The following YWHAG variants were observed in gnomAD, a reference collection of about 807,000 sequenced individuals.
YWHAG encodes the protein tyrosine 3-monooxygenase/tryptophan 5-monooxygenase activation protein gamma.
In YWHAG, 1 loss-of-function variant was observed where a neutral mutation model predicts 23.3. The observed-to-expected ratio is 0.04, with a 90% CI of 0.02 to 0.20. The LOEUF (loss-of-function observed/expected upper bound fraction) is 0.20, where lower values mean the gene tolerates loss of function less well. Among genes scored for constraint, YWHAG ranks in the 10% least tolerant of loss-of-function variants. The pLI, the probability that YWHAG is intolerant of heterozygous loss-of-function variation, is 1.00. For missense variants in YWHAG, 151 were observed against 338.6 expected (o/e 0.45, Z 4.35); for synonymous variants, 160 against 144.0 (o/e 1.11, Z -0.80).
chr7:76,337,117 C>A (rs1482269412), intron 1 of YWHAG, among the ~76,000 whole-genome samples: 1 of 152,154 alleles, frequency 6.6e-6, no homozygotes, highest in East Asian at 1.9e-4. Context: ...AACATGAACT[C>A]CCTTCTGTGC....
intron 1 of YWHAG, among the ~76,000 whole-genome samples, chr7:76,334,843 G>A (rs1803594806): frequency 1.3e-5 from 2 of 152,036 alleles, no homozygotes; most frequent in Admixed American, 1.3e-4. Context: ...CTCAGGCTCA[G>A]GTGATCCTCC....
chr7:76,355,640 G>A (rs906809934), intron 1 of YWHAG, among the ~76,000 whole-genome samples: 2 of 152,164 alleles, frequency 1.3e-5, no homozygotes, highest in East Asian at 3.8e-4. Context: ...GCCTGGGGGG[G>A]AGGGGGAATG....
intron 1 of YWHAG, among the ~76,000 whole-genome samples, chr7:76,349,475 G>A (rs1158702024): frequency 6.7e-6 from 1 of 149,912 alleles, no homozygotes; most frequent in East Asian, 1.9e-4. Context: ...ACAGCCAGAT[G>A]ATGAAAAGAG....
At position 76,327,684 on chromosome 7, in the gene YWHAG, C is replaced by G. The variant is rs1221900748; in HGVS notation, c.*1893G>C. The G allele has an allele frequency of 3.4e-5, 4 of 116,492 alleles. No individual in the cohort carries two copies. Among genetic ancestry groups the G allele is most frequent in the African/African-American group, 1.4e-4 (4 of 29,212 alleles). 7.2% of individuals were successfully genotyped at this position (116,492 alleles called of 1,614,324 possible). ...ACCTACCCTGCCCCCCCCCCCCTCC[C>G]CCCCCAAATCGTCTTCCTCCCATGG... On this transcript the variant is annotated 3_prime_UTR_variant, in exon 2 of 2. Coordinates refer to ENST00000307630, the MANE Select transcript of YWHAG (RefSeq NM_012479.4).
intron 1 of YWHAG, among the ~76,000 whole-genome samples, chr7:76,348,457 T>G (rs1803820446): frequency 2.0e-5 from 3 of 148,754 alleles, no homozygotes; most frequent in African/African-American, 7.5e-5. Flanking sequence ...AGTCTCACTC[T>G]GTTGCCCAGG....
rs576263979 is a variant in YWHAG, at chr7:76,335,352, G to A, written c.88-5119C>T. The stretch of plus-strand genomic sequence containing the variant: ...ATTACAGGCGTGAGCCACCGCGCCC[G>A]GCCTCAAATTTCTTTTGGTGACTTA... On this transcript the variant is annotated intron_variant, in intron 1 of 1. Coordinates refer to ENST00000307630, the MANE Select transcript of YWHAG (RefSeq NM_012479.4). Among the ~76,000 whole-genome samples, 37 of 152,230 alleles carry A rather than the reference G, an allele frequency of 2.4e-4. No homozygotes were observed. In the South Asian group the frequency reaches 6.0e-3, roughly 25 times the overall value.
chr7:76,348,264 C>CTTTTT, intron 1 of YWHAG, among the ~76,000 whole-genome samples: 2 of 109,836 alleles, frequency 1.8e-5, no homozygotes, highest in African/African-American at 8.8e-5. Flanking sequence ...CCTTAGACTT[C>CTTTTT]GTTTTTTTTT....
Position 76,326,979 on chromosome 7 carries a change from A to T in YWHAG, c.*2598T>A, listed in dbSNP as rs1803451670. Reference sequence around the variant, plus strand: ...TAAAAATAGTTCACTGCATAACATGACAAAAAGCACAAAGGCTCATTCAGA... The same window carrying T: ...TAAAAATAGTTCACTGCATAACATGTCAAAAAGCACAAAGGCTCATTCAGA... On this transcript the variant is annotated 3_prime_UTR_variant, in exon 2 of 2. Transcript: ENST00000307630. 1 of 152,656 alleles carries T rather than the reference A, an allele frequency of 6.6e-6. No individual in the cohort carries two copies. The highest frequency in any genetic ancestry group is 6.5e-5 in the Admixed American group (1 of 15,282). 9.5% of individuals were successfully genotyped at this position (152,656 alleles called of 1,614,324 possible). A position where few individuals can be genotyped will look rare whatever the true frequency, so the allele number is the denominator to read the frequency against.
chr7:76,329,361 G>A lies in YWHAG; in HGVS notation c.*216C>T. 1.7e-6 allele frequency: 1 copy of A among 596,428 alleles called. No individual in the cohort carries two copies. The highest frequency in any genetic ancestry group is 2.9e-5 in the East Asian group (1 of 34,806). The allele number at this position is 596,428 out of a possible 1,614,324, so 36.9% of individuals were successfully genotyped here. A position where few individuals can be genotyped will look rare whatever the true frequency, so the allele number is the denominator to read the frequency against. On this transcript the variant is annotated 3_prime_UTR_variant, in exon 2 of 2. Transcript: ENST00000307630. This position sits in a 1 kb window ranked among gnomAD's most constrained non-coding sequence, Gnocchi z 6.1. ...CAGAACAGTCCAGACGCCAGTGTGA[G>A]GCTGCTATTCCAATACCAGCACAGC...
chr7:76,342,768 T>C (rs1803716665), intron 1 of YWHAG, among the ~76,000 whole-genome samples: 1 of 152,124 alleles, frequency 6.6e-6, no homozygotes, highest in Non-Finnish European at 1.5e-5. Flanking sequence ...TCTAATTAAT[T>C]ACTAGTTTTA....
chr7:76,330,319 T>C (rs1318876878), intron 1 of YWHAG, 86 bp from the exon 2 acceptor site: 3 of 1,372,312 alleles, frequency 2.2e-6, no homozygotes, highest in African/African-American at 2.9e-5. Context: ...AACAGAGCTC[T>C]GTTGAGTAAC....
chr7:76,341,840 A>T (rs1803698363), intron 1 of YWHAG, among the ~76,000 whole-genome samples: 1 of 152,096 alleles, frequency 6.6e-6, no homozygotes, highest in South Asian at 2.1e-4. Context: ...CATACTGAAA[A>T]CCATTAAATT....
chr7:76,351,506 A>G (rs939232321), intron 1 of YWHAG, among the ~76,000 whole-genome samples: 1 of 152,208 alleles, frequency 6.6e-6, no homozygotes, highest in Non-Finnish European at 1.5e-5. Flanking sequence ...GGGGTCCCCA[A>G]CGGGTCCATG....
At chr7:76,331,320 T>C (rs1583982377) in intron 1 of YWHAG, among the ~76,000 whole-genome samples, 1 of 118,998 alleles carries the variant, frequency 8.4e-6, no homozygotes, top group Non-Finnish European at 1.7e-5. Context: ...GAAAAGTGGT[T>C]ACTCCCTGTC....
rs183303925 is a variant in YWHAG at position 76,343,052 on chromosome 7, G to A, written c.88-12819C>T. Reference sequence around the variant, plus strand: ...CTTGAGAGGGTGAGGTAGGAGAATCGCTTGAAACCAGGAGACAGAGGTTGC... The same window carrying A: ...CTTGAGAGGGTGAGGTAGGAGAATCACTTGAAACCAGGAGACAGAGGTTGC... On this transcript the variant is annotated intron_variant, in intron 1 of 1. Coordinates refer to ENST00000307630, the MANE Select transcript of YWHAG (RefSeq NM_012479.4). Among the ~76,000 whole-genome samples the A allele has an allele frequency of 2.5e-3, 375 of 152,166 alleles. 4 individuals carry two copies. Among genetic ancestry groups the A allele is most frequent in the South Asian group, 0.015 (72 of 4,818 alleles).
At position 76,329,757 on chromosome 7, in the gene YWHAG, G is replaced by A. The variant is rs79130202; in HGVS notation, c.564C>T (p.Asn188=). The A allele has an allele frequency of 6.3e-4, 1,012 of 1,614,138 alleles. 10 individuals are homozygous for A. The highest frequency in any genetic ancestry group is 4.5e-3 in the South Asian group (413 of 91,080). The change falls in exon 2 of 2, where the codon AAC becomes AAT. Residue 188 remains asparagine, a synonymous_variant. Transcript: ENST00000307630. The surrounding 1 kb of genome is among the most constrained non-coding windows in gnomAD (Gnocchi z 6.1). The part of the protein sequence containing the change: ...NYSVFYYEIQ[N]APEQACHLAK... The stretch of plus-strand genomic sequence containing the variant: ...CCAAGTGGCACGCTTGCTCTGGGGC[G>A]TTCTGGATCTCATAGTAGAAGACGG...
chr7:76,332,688 TTTC>T (rs1332910594), intron 1 of YWHAG, among the ~76,000 whole-genome samples: 26 of 151,204 alleles, frequency 1.7e-4, no homozygotes, highest in Admixed American at 1.5e-3. Context: ...GCATGGCTGA[TTTC>T]TTTTTTTTTT....
In YWHAG at chr7:76,327,885, C is replaced by T. The variant is rs1162418463; in HGVS notation, c.*1692G>A. On this transcript the variant is annotated 3_prime_UTR_variant, in exon 2 of 2. Transcript: ENST00000307630. ...CAGAGCACATTGAGTCTGTGGTCAT[C>T]GTGGTTCTTCTATCTTCACTGTCAC... 4 of 152,076 alleles carry T rather than the reference C, an allele frequency of 2.6e-5. No homozygotes were observed. The highest frequency in any genetic ancestry group is 5.9e-5 in the Non-Finnish European group (4 of 68,012). The allele number at this position is 152,076 out of a possible 1,614,324, so 9.4% of individuals were successfully genotyped here.
At chr7:76,350,587 T>TA (rs1803858988) in intron 1 of YWHAG, among the ~76,000 whole-genome samples, 1 of 152,208 alleles carries the variant, frequency 6.6e-6, no homozygotes, top group South Asian at 2.1e-4. Context: ...CTCATGCCTG[T>TA]AACCCCAGCA....
Sources: gnomAD v4.1 joint callset for allele counts (sites outside exome capture counted in the v4.1 genomes callset) on GRCh38, gnomAD v4.1.1 for gene constraint, Gnocchi (gnomAD v3.1) non-coding constraint, MANE v1.5 for transcripts, NCBI Gene and HGNC (gene_info 2026-07-23, HGNC 2026-07-21) for gene names.